Variants in GLS observed in about 807,000 individuals in gnomAD.
The protein encoded by GLS is glutaminase kidney isoform, mitochondrial.
GLS carries 36 observed loss-of-function variants against 86.7 expected under a neutral mutation model. That is an observed-to-expected ratio of 0.42 (90% CI 0.32 to 0.55). The LOEUF (loss-of-function observed/expected upper bound fraction) is 0.55, where lower values mean the gene tolerates loss of function less well. Among genes scored for constraint, GLS ranks in the 20% least tolerant of loss-of-function variants. GLS has a pLI of 0.17. For synonymous variants in GLS, 317 were observed against 305.9 expected, an observed-to-expected ratio of 1.04 and a Z score of -0.38; for missense variants, 528 against 833.4, an observed-to-expected ratio of 0.63 and a Z score of 4.51.
Position 190,920,133 on chromosome 2 carries a change from T to G in GLS, c.1039-891T>G, listed in dbSNP as rs1349483816. 6.6e-6 allele frequency: 1 copy of G among 151,940 alleles called. No individual in the cohort carries two copies. Among genetic ancestry groups the G allele is most frequent in the Non-Finnish European group, 1.5e-5 (1 of 67,812 alleles). The allele number at this position is 151,940 out of a possible 1,614,324, so 9.4% of individuals were successfully genotyped here. On this transcript the variant is annotated intron_variant, in intron 7 of 17. Transcript: ENST00000320717. This position sits in a 1 kb window ranked among gnomAD's most constrained non-coding sequence, Gnocchi z 4.2. ...TTTAAAAACTTTAGTTGTCAAATTATTTTATTTTAAGCCTATTTTAGAAAT... is the reference window on the plus strand; with the variant it reads ...TTTAAAAACTTTAGTTGTCAAATTAGTTTATTTTAAGCCTATTTTAGAAAT...
At chr2:190,925,133 C>T (rs147489456) in intron 11 of GLS, among the ~76,000 whole-genome samples, 1 of 152,308 alleles carries the variant, frequency 6.6e-6, no homozygotes, top group Non-Finnish European at 1.5e-5. Context: ...ATAATGAACA[C>T]TCCCAGAAAT....
Position 190,920,838 on chromosome 2 carries a change from CAT to C in GLS, c.1039-183_1039-182del, listed in dbSNP as rs1689706868. Among the ~76,000 whole-genome samples the C allele has an allele frequency of 6.6e-6, 1 of 151,608 alleles. No individual in the cohort carries two copies. Among genetic ancestry groups the C allele is most frequent in the South Asian group, 2.1e-4 (1 of 4,828 alleles). ...CTTTGTAATTCTAATGCATTCTCAA[CAT>C]ATGGGTATTAAATAACATGAAAAAA... On this transcript the variant is annotated intron_variant, in intron 7 of 17. Coordinates refer to ENST00000320717, the MANE Select transcript of GLS (RefSeq NM_014905.5). This position sits in a 1 kb window ranked among gnomAD's most constrained non-coding sequence, Gnocchi z 4.2.
chr2:190,898,076 G>C (rs978078616), intron 3 of GLS, among the ~76,000 whole-genome samples: 2 of 151,912 alleles, frequency 1.3e-5, no homozygotes, highest in African/African-American at 4.8e-5. Flanking sequence ...TTCTTTATTC[G>C]TGCATTTTTA....
rs998968408 is a variant in GLS at position 190,880,917 on chromosome 2, A to C, written c.-168A>C. 72 of 883,198 alleles carry C rather than the reference A, an allele frequency of 8.2e-5. No homozygotes were observed. Among genetic ancestry groups the C allele is most frequent in the South Asian group, 4.8e-4 (33 of 68,386 alleles). The allele number at this position is 883,198 out of a possible 1,614,324, so 54.7% of individuals were successfully genotyped here. A position where few individuals can be genotyped will look rare whatever the true frequency, so the allele number is the denominator to read the frequency against. On this transcript the variant is annotated 5_prime_UTR_variant, in exon 1 of 18. Coordinates refer to ENST00000320717, the MANE Select transcript of GLS (RefSeq NM_014905.5). ...CAGCAGCAGCAGCAGCAGCAGCAGC[A>C]GCACCCGCATCCGCTGCGGGAGTCC... is the stretch of plus-strand genomic sequence containing the variant.
chr2:190,900,019 A>G (rs1047653413), intron 3 of GLS, among the ~76,000 whole-genome samples: 3 of 113,858 alleles, frequency 2.6e-5, no homozygotes, highest in African/African-American at 7.5e-5. Context: ...GATTATTTTT[A>G]CAAGCATATC....
At chr2:190,937,071 T>C (rs1289385373) in intron 14 of GLS, among the ~76,000 whole-genome samples, 5 of 151,372 alleles carry the variant, frequency 3.3e-5, no homozygotes, top group Admixed American at 1.3e-4. Context: ...ATGATGGCCT[T>C]ATGCTCAGAT....
rs556412131 is a variant in GLS at position 190,923,897 on chromosome 2, GT to G, written c.1131-11del. 442 of 1,455,874 alleles carry G rather than the reference GT, an allele frequency of 3.0e-4. 1 individual carries two copies. The East Asian group carries it at 3.1e-3, about 10-fold the overall frequency. The allele number at this position is 1,455,874 out of a possible 1,614,324, so 90.2% of individuals were successfully genotyped here. On this transcript the variant is annotated intron_variant, in intron 9 of 17. Transcript: ENST00000320717. The stretch of plus-strand genomic sequence containing the variant: ...TTTAAAGAAAGTACATAGAGCAAAT[GT>G]TTTTTTTTCTTCTTCCAGGTTTCAG...
At chr2:190,919,700 T>C in intron 7 of GLS, 1 of 800,074 alleles carries the variant, frequency 1.2e-6, no homozygotes, top group Non-Finnish European at 1.5e-6. Flanking sequence ...TTTAATTATT[T>C]TTCATTGAAC....
chr2:190,939,347 A>T (rs1690361909), intron 14 of GLS, among the ~76,000 whole-genome samples: 3 of 151,732 alleles, frequency 2.0e-5, no homozygotes, highest in Admixed American at 1.3e-4. Context: ...TTAAAACTTA[A>T]ATATTGTTGC....
chr2:190,889,689 C>A (rs547806365), intron 1 of GLS, among the ~76,000 whole-genome samples: 89 of 152,182 alleles, frequency 5.8e-4, no homozygotes, highest in African/African-American at 2.1e-3. Flanking sequence ...GTCTTCCCAC[C>A]CGAGACAGCC....
intron 1 of GLS, among the ~76,000 whole-genome samples, chr2:190,885,422 TC>T (rs1688344716): frequency 6.6e-6 from 1 of 152,164 alleles, no homozygotes; most frequent in African/African-American, 2.4e-5. Context: ...ACTCCTGACC[TC>T]AGATGATCTG....
intron 9 of GLS, among the ~76,000 whole-genome samples, chr2:190,923,520 A>ATGATTATGTCAAGTTCCC (rs1689811299): frequency 6.6e-6 from 1 of 152,198 alleles, no homozygotes; most frequent in Non-Finnish European, 1.5e-5. Context: ...TGAAAGTTCC[A>ATGATTATGTCAAGTTCCC]TGATTATGTC....
At position 190,927,105 on chromosome 2, in the gene GLS, T is replaced by C. The variant is rs188824197; in HGVS notation, c.1249-201T>C. ...CTGCCATTAAAAGACTGAGTATCTT[T>C]GGCCAAATCAGGGTAAATCTTAAAA... is the stretch of plus-strand genomic sequence containing the variant. On this transcript the variant is annotated intron_variant, in intron 11 of 17. Transcript: ENST00000320717. The C allele has an allele frequency of 3.1e-5, 15 of 486,756 alleles. No individual in the cohort carries two copies. The East Asian group carries it at 5.5e-4, about 18-fold the overall frequency. The allele number at this position is 486,756 out of a possible 1,614,324, so 30.2% of individuals were successfully genotyped here. A position where few individuals can be genotyped will look rare whatever the true frequency, so the allele number is the denominator to read the frequency against.
At chr2:190,937,817 T>A (rs991995229) in intron 14 of GLS, among the ~76,000 whole-genome samples, 1 of 149,972 alleles carries the variant, frequency 6.7e-6, no homozygotes, top group African/African-American at 2.4e-5. Flanking sequence ...TGGATTGCAT[T>A]GCTTTTTTGG....
chr2:190,936,379 T>C (rs1690270632), intron 14 of GLS, among the ~76,000 whole-genome samples: 1 of 151,188 alleles, frequency 6.6e-6, no homozygotes, highest in African/African-American at 2.4e-5. Flanking sequence ...ATATATATGA[T>C]TTCCTTATCT....
intron 1 of GLS, among the ~76,000 whole-genome samples, chr2:190,891,215 A>G (rs887853793): frequency 3.3e-5 from 5 of 152,186 alleles, no homozygotes; most frequent in Non-Finnish European, 7.4e-5. Context: ...TTTGAAAAAC[A>G]CTTCTACCAT....
rs1455475957 is a variant in GLS at position 190,920,741 on chromosome 2, A to G, written c.1039-283A>G. 1.3e-5 allele frequency among the ~76,000 whole-genome samples: 2 copies of G among 151,772 alleles called. No homozygotes were observed. The highest frequency in any genetic ancestry group is 6.6e-5 in the Admixed American group (1 of 15,240). ...ATGTGCTGTCATGAAAGATAAGGGAATTCATGGTAACTTGTATTTAAAATT... is the reference window on the plus strand; with the variant it reads ...ATGTGCTGTCATGAAAGATAAGGGAGTTCATGGTAACTTGTATTTAAAATT... On this transcript the variant is annotated intron_variant, in intron 7 of 17. Coordinates refer to ENST00000320717, the MANE Select transcript of GLS (RefSeq NM_014905.5). This position sits in a 1 kb window ranked among gnomAD's most constrained non-coding sequence, Gnocchi z 4.2.
At position 190,881,285 on chromosome 2, in the gene GLS, C is replaced by T. The variant is rs947686435; in HGVS notation, c.201C>T (p.Pro67=). The T allele has an allele frequency of 3.0e-6, 4 of 1,342,004 alleles. No homozygotes were observed. The African/African-American group carries it at 4.6e-5, about 15-fold the overall frequency. 83.1% of individuals were successfully genotyped at this position (1,342,004 alleles called of 1,614,324 possible). A position where few individuals can be genotyped will look rare whatever the true frequency, so the allele number is the denominator to read the frequency against. The change falls in exon 1 of 18, where the codon CCC becomes CCT. Residue 67 remains proline, a synonymous_variant. Transcript: ENST00000320717. ...WWGGGGWPAE[P]LARGLSSSPS... is the part of the protein sequence containing the mutation. ...GCGGGGGCGGCTGGCCGGCGGAGCC[C>T]CTCGCGCGGGGCCTGTCCAGCTCTC... is the stretch of plus-strand genomic sequence containing the variant.
rs115566366 is a variant in GLS, at chr2:190,889,321, G to T, written c.387-5831G>T. ...GAGATCTTACAAACCCTTCTCCCCA[G>T]CTGCTGCTTTCTTCTCTTCTGTTAC... On this transcript the variant is annotated intron_variant, in intron 1 of 17. Coordinates refer to ENST00000320717, the MANE Select transcript of GLS (RefSeq NM_014905.5). Among the ~76,000 whole-genome samples the T allele has an allele frequency of 4.9e-3, 750 of 152,234 alleles. 8 individuals carry two copies. The highest frequency in any genetic ancestry group is 0.017 in the African/African-American group (718 of 41,540).
Sources: gnomAD v4.1 joint callset for allele counts (sites outside exome capture counted in the v4.1 genomes callset) on GRCh38, gnomAD v4.1.1 for gene constraint, Gnocchi (gnomAD v3.1) non-coding constraint, MANE v1.5 for transcripts, NCBI Gene and HGNC (gene_info 2026-07-23, HGNC 2026-07-21) for gene names.